The following MYO1D variants were observed in gnomAD, a reference collection of about 807,000 sequenced individuals.
MYO1D encodes unconventional myosin-Id.
A neutral mutation model predicts 122.0 loss-of-function variants in MYO1D; 83 were observed. The observed-to-expected ratio is 0.68, with a 90% confidence interval of 0.57 to 0.82. The LOEUF is 0.82. Among genes scored for constraint, MYO1D ranks in the 40% least tolerant of loss-of-function variants. The pLI, the probability that MYO1D is intolerant of heterozygous loss-of-function variation, is 0.00. For synonymous variants in MYO1D, 464 were observed against 446.9 expected, an observed-to-expected ratio of 1.04 and a Z score of -0.48; for missense variants, 1,157 against 1,269.5, an observed-to-expected ratio of 0.91 and a Z score of 1.35.
intron 21 of MYO1D, among the ~76,000 whole-genome samples, chr17:32,509,522 C>T (rs1425124079): frequency 1.3e-5 from 2 of 152,164 alleles, no homozygotes; most frequent in East Asian, 1.9e-4. Context: ...CGAGCAGACA[C>T]TGCACTGGCT....
At chr17:32,625,734 T>C (rs2087919343) in intron 20 of MYO1D, among the ~76,000 whole-genome samples, 2 of 152,178 alleles carry the variant, frequency 1.3e-5, no homozygotes, top group African/African-American at 2.4e-5. Context: ...TTTCACTATG[T>C]TGCCCAGGCT....
At chr17:32,739,685 C>T (rs1449952710) in intron 13 of MYO1D, among the ~76,000 whole-genome samples, 1 of 152,118 alleles carries the variant, frequency 6.6e-6, no homozygotes, top group East Asian at 1.9e-4. Context: ...TTAACATTAG[C>T]ATTCATTGCT....
At chr17:32,840,572 T>A (rs757890836) in intron 1 of MYO1D, among the ~76,000 whole-genome samples, 1 of 152,238 alleles carries the variant, frequency 6.6e-6, no homozygotes, top group Non-Finnish European at 1.5e-5. Context: ...GCCTTTTGGC[T>A]ATAATTCATT....
chr17:32,535,806 C>T (rs1910646659), intron 21 of MYO1D, among the ~76,000 whole-genome samples: 1 of 152,126 alleles, frequency 6.6e-6, no homozygotes, highest in Non-Finnish European at 1.5e-5. Context: ...TTATACAAAA[C>T]TCAATAGCGT....
At chr17:32,799,408 T>C (rs950355732) in intron 1 of MYO1D, among the ~76,000 whole-genome samples, 1 of 152,112 alleles carries the variant, frequency 6.6e-6, no homozygotes, top group Non-Finnish European at 1.5e-5. Context: ...ATTAAGAAAA[T>C]CTTTAATTGT....
chr17:32,835,725 T>C (rs967379048), intron 1 of MYO1D, among the ~76,000 whole-genome samples: 2 of 152,198 alleles, frequency 1.3e-5, no homozygotes, highest in African/African-American at 4.8e-5. Flanking sequence ...TTGTCACATA[T>C]CACAAGCTCA....
At chr17:32,507,078 T>C (rs141637367) in intron 21 of MYO1D, among the ~76,000 whole-genome samples, 1 of 152,228 alleles carries the variant, frequency 6.6e-6, no homozygotes, top group African/African-American at 2.4e-5. Context: ...TTTACAAAGA[T>C]AAAATAACAA....
chr17:32,681,746 T>G (rs1203088263), intron 16 of MYO1D, among the ~76,000 whole-genome samples: 4 of 143,398 alleles, frequency 2.8e-5, no homozygotes, highest in Admixed American at 1.4e-4. Context: ...GGTTGGAGAG[T>G]TCTGTAGATG....
chr17:32,696,939 C>T (rs1392266404), intron 16 of MYO1D, among the ~76,000 whole-genome samples: 1 of 152,168 alleles, frequency 6.6e-6, no homozygotes, highest in Admixed American at 6.5e-5. Flanking sequence ...GTATAAATGG[C>T]TTATGAAATA....
intron 1 of MYO1D, among the ~76,000 whole-genome samples, chr17:32,860,214 T>C (rs866086257): frequency 1.3e-5 from 2 of 152,206 alleles, no homozygotes; most frequent in Admixed American, 1.3e-4. Flanking sequence ...CACAGACAAG[T>C]GGAGGCAGAG....
intron 1 of MYO1D, among the ~76,000 whole-genome samples, chr17:32,798,625 C>T (rs2090437354): frequency 6.6e-6 from 1 of 152,084 alleles, no homozygotes; most frequent in Admixed American, 6.6e-5. Context: ...GATGGCATCC[C>T]CAAGTGAAAT....
At chr17:32,795,723 C>A (rs149280670) in intron 1 of MYO1D, among the ~76,000 whole-genome samples, 7 of 151,628 alleles carry the variant, frequency 4.6e-5, no homozygotes, top group Admixed American at 2.0e-4. Flanking sequence ...CAGCAACTTG[C>A]GCCAGCAAGA....
At chr17:32,822,958 G>T (rs543823274) in intron 1 of MYO1D, among the ~76,000 whole-genome samples, 1 of 152,246 alleles carries the variant, frequency 6.6e-6, no homozygotes, top group East Asian at 1.9e-4. Flanking sequence ...TTGTGCACAT[G>T]TACCCTAAAA....
intron 16 of MYO1D, among the ~76,000 whole-genome samples, chr17:32,681,033 T>C (rs2088907895): frequency 6.6e-6 from 1 of 152,204 alleles, no homozygotes; most frequent in Non-Finnish European, 1.5e-5. Context: ...TCTAGTTTAT[T>C]TGTGTAGAGG....
At chr17:32,803,365 C>A (rs890099062) in intron 1 of MYO1D, among the ~76,000 whole-genome samples, 5 of 152,134 alleles carry the variant, frequency 3.3e-5, no homozygotes, top group African/African-American at 9.7e-5. Flanking sequence ...CCAGGATGGT[C>A]TCGATCTCCT....
chr17:32,711,385 C>T (rs188319672), intron 16 of MYO1D, among the ~76,000 whole-genome samples: 34 of 152,312 alleles, frequency 2.2e-4, no homozygotes, highest in African/African-American at 6.7e-4. Context: ...TGGTGGCTCA[C>T]GCCTGTAATC....
intron 21 of MYO1D, among the ~76,000 whole-genome samples, chr17:32,549,970 G>T (rs1017971829): frequency 2.0e-5 from 3 of 152,126 alleles, no homozygotes; most frequent in African/African-American, 7.2e-5. Context: ...TATGGAATGT[G>T]CCTAATTTAG....
chr17:32,678,426 A>G (rs1284626068), intron 16 of MYO1D, among the ~76,000 whole-genome samples: 14 of 98,270 alleles, frequency 1.4e-4, no homozygotes, highest in Non-Finnish European at 2.2e-4. Context: ...ACTCCACCAC[A>G]GTCCCCAGAG....
chr17:32,755,921 C>CA (rs1224818073), intron 10 of MYO1D, among the ~76,000 whole-genome samples: 2 of 152,108 alleles, frequency 1.3e-5, no homozygotes, highest in Non-Finnish European at 2.9e-5. Flanking sequence ...AGGTAGACAC[C>CA]ATTTCTCCCA....
Sources: allele counts gnomAD v4.1 joint callset (sites outside exome capture counted in the v4.1 genomes callset), GRCh38; gene constraint gnomAD v4.1.1; transcripts MANE v1.5; gene names NCBI Gene and HGNC (gene_info 2026-07-23, HGNC 2026-07-21).